CNTN1: variants seen among roughly 807,000 people sequenced by gnomAD.
CNTN1 encodes the protein contactin-1.
CNTN1 carries 38 observed loss-of-function variants against 126.4 expected under a neutral mutation model. The observed-to-expected ratio is 0.30, with a 90% CI of 0.23 to 0.39. The LOEUF is 0.39. Ranked by LOEUF, CNTN1 falls within the 10% of genes least tolerant of loss-of-function variation. The pLI is 1.00. For synonymous variants in CNTN1, 413 were observed against 422.6 expected, an observed-to-expected ratio of 0.98 and a Z score of 0.28; for missense variants, 1,009 against 1,248.4, an observed-to-expected ratio of 0.81 and a Z score of 2.89.
chr12:40,984,653 A>T (rs117803702), intron 16 of CNTN1, among the ~76,000 whole-genome samples: 5,149 of 152,206 alleles, frequency 0.034, 148 homozygotes, highest in South Asian at 0.11. Flanking sequence ...ATTAGGCCCC[A>T]CCTCCAATAT....
chr12:41,049,834 A>G (rs139477947), intron 23 of CNTN1, among the ~76,000 whole-genome samples: 2 of 152,324 alleles, frequency 1.3e-5, no homozygotes, highest in East Asian at 3.9e-4. Context: ...GTTTCTGGAA[A>G]ACATAAGCCT....
At chr12:41,065,452 A>G (rs1226986906) in intron 23 of CNTN1, among the ~76,000 whole-genome samples, 1 of 152,232 alleles carries the variant, frequency 6.6e-6, no homozygotes, top group Non-Finnish European at 1.5e-5. Context: ...ACAAAGCCAG[A>G]GTTATTGACT....
At chr12:41,019,133 G>T (rs34324342) in intron 19 of CNTN1, among the ~76,000 whole-genome samples, 3 of 152,104 alleles carry the variant, frequency 2.0e-5, no homozygotes, top group African/African-American at 7.2e-5. Flanking sequence ...TCCAGCCTGG[G>T]CAACAAGAGC....
chr12:40,975,557 T>A (rs189148114), intron 15 of CNTN1, among the ~76,000 whole-genome samples: 231 of 152,224 alleles, frequency 1.5e-3, no homozygotes, highest in African/African-American at 5.3e-3. Flanking sequence ...TATTTTTGTA[T>A]GCCCCATAGG....
chr12:40,905,795 A>C (rs1306536776), intron 1 of CNTN1, among the ~76,000 whole-genome samples: 1 of 152,226 alleles, frequency 6.6e-6, no homozygotes, highest in African/African-American at 2.4e-5. Context: ...GAAAAATTAG[A>C]AACTATCAGG....
intron 23 of CNTN1, among the ~76,000 whole-genome samples, chr12:41,057,101 G>GATATTTATAAATATTATATTTAT (rs1418678165): frequency 3.0e-5 from 4 of 131,588 alleles, no homozygotes; most frequent in African/African-American, 1.2e-4. Flanking sequence ...TAAATATTTA[G>GATATTTATAAATATTATATTTAT]ATATTTATAA....
chr12:40,897,458 T>C (rs933023451), intron 1 of CNTN1, among the ~76,000 whole-genome samples: 1 of 152,180 alleles, frequency 6.6e-6, no homozygotes, highest in Admixed American at 6.5e-5. Context: ...TATTGATTGA[T>C]TGATAAGACT....
chr12:40,724,623 A>G (rs1942302757), intron 1 of CNTN1, among the ~76,000 whole-genome samples: 1 of 152,224 alleles, frequency 6.6e-6, no homozygotes, highest in African/African-American at 2.4e-5. Context: ...AAATGCACAG[A>G]CTGTCCTCCG....
intron 9 of CNTN1, among the ~76,000 whole-genome samples, chr12:40,936,478 G>T (rs1005004611): frequency 6.6e-6 from 1 of 152,050 alleles, no homozygotes; most frequent in Non-Finnish European, 1.5e-5. Context: ...GACTTGAAAG[G>T]TTTATGTTAT....
At chr12:40,754,343 G>T (rs1938519164) in intron 1 of CNTN1, among the ~76,000 whole-genome samples, 1 of 152,026 alleles carries the variant, frequency 6.6e-6, no homozygotes, top group African/African-American at 2.4e-5. Flanking sequence ...TCCCTTTTAT[G>T]AAATGACATG....
intron 1 of CNTN1, among the ~76,000 whole-genome samples, chr12:40,743,607 A>G (rs1555149161): frequency 6.6e-6 from 1 of 152,058 alleles, no homozygotes; most frequent in Non-Finnish European, 1.5e-5. Flanking sequence ...TTCTTTTGAG[A>G]AGTGTTTGTT....
At chr12:40,796,252 G>T (rs1004697791) in intron 1 of CNTN1, among the ~76,000 whole-genome samples, 4 of 152,038 alleles carry the variant, frequency 2.6e-5, no homozygotes, top group African/African-American at 9.7e-5. Context: ...GTGATGACCA[G>T]CTCTAAGAAA....
chr12:41,012,508 A>T (rs569991297), intron 17 of CNTN1, among the ~76,000 whole-genome samples: 1 of 152,194 alleles, frequency 6.6e-6, no homozygotes, highest in African/African-American at 2.4e-5. Flanking sequence ...GGCTGGGGTC[A>T]GTCCAGTAGC....
chr12:40,935,024 G>A (rs1946031569), intron 9 of CNTN1, among the ~76,000 whole-genome samples: 1 of 151,858 alleles, frequency 6.6e-6, no homozygotes, highest in Non-Finnish European at 1.5e-5. Context: ...TAACATTGGT[G>A]TGATCAGGGT....
intron 10 of CNTN1, 131 bp downstream of exon 10, chr12:40,937,036 T>A: frequency 8.8e-7 from 1 of 1,136,816 alleles, no homozygotes; most frequent in Non-Finnish European, 1.3e-6. Context: ...AAAAGCTTCC[T>A]AAAAAAGACA....
intron 23 of CNTN1, among the ~76,000 whole-genome samples, chr12:41,050,624 A>G (rs1027299165): frequency 2.6e-5 from 4 of 152,170 alleles, no homozygotes; most frequent in Non-Finnish European, 5.9e-5. Flanking sequence ...CAGCCAAACC[A>G]TTATCATATG....
At chr12:40,728,894 T>C (rs1584092) in intron 1 of CNTN1, 150,194 of 152,306 alleles carry the variant, frequency 0.99, 74,078 homozygotes, top group Middle Eastern at 1. Flanking sequence ...CCAAGGCTTG[T>C]AATTCTGCTC....
At chr12:41,009,620 C>A (rs924086585) in intron 17 of CNTN1, among the ~76,000 whole-genome samples, 56 of 152,164 alleles carry the variant, frequency 3.7e-4, no homozygotes, top group African/African-American at 1.3e-3. Context: ...GTCTTCATTC[C>A]CCATTGAGTT....
intron 10 of CNTN1, among the ~76,000 whole-genome samples, 185 bp from the exon 11 acceptor site, chr12:40,937,385 C>G (rs1486680531): frequency 1.3e-5 from 2 of 152,070 alleles, no homozygotes; most frequent in Admixed American, 6.6e-5. Context: ...AGAACAAGAG[C>G]CTTTGGGCAT....
Sources: allele counts gnomAD v4.1 joint callset (sites outside exome capture counted in the v4.1 genomes callset), GRCh38; gene constraint gnomAD v4.1.1; transcripts MANE v1.5; gene names NCBI Gene and HGNC (gene_info 2026-07-23, HGNC 2026-07-21).